The following RIPOR2 variants were observed in gnomAD, a reference collection of about 807,000 sequenced individuals.
RIPOR2 encodes rho family-interacting cell polarization regulator 2.
A neutral mutation model predicts 114.5 loss-of-function variants in RIPOR2; 39 were observed. The ratio of observed to expected loss-of-function variants is 0.34; its 90% CI spans 0.26 to 0.44. The LOEUF (loss-of-function observed/expected upper bound fraction) is 0.44. RIPOR2 is among the 20% of genes least tolerant of loss of function. RIPOR2 has a pLI of 1.00. For missense variants in RIPOR2, 1,007 were observed against 1,255.1 expected, an observed-to-expected ratio of 0.80 and a Z score of 2.99; for synonymous variants, 445 against 484.4, an observed-to-expected ratio of 0.92 and a Z score of 1.07.
intron 19 of RIPOR2, among the ~76,000 whole-genome samples, chr6:24,821,486 G>C (rs1759699824): frequency 1.3e-5 from 2 of 152,180 alleles, no homozygotes; most frequent in Non-Finnish European, 2.9e-5. Flanking sequence ...GCCCAGCTCT[G>C]TGGCTTAACA....
intron 1 of RIPOR2, among the ~76,000 whole-genome samples, chr6:24,927,986 A>G (rs1198536117): frequency 1.3e-5 from 2 of 152,228 alleles, no homozygotes; most frequent in African/African-American, 4.8e-5. Context: ...GGCCTTCTCT[A>G]GAAGCTGTTT....
intron 20 of RIPOR2, among the ~76,000 whole-genome samples, chr6:24,811,378 T>G (rs965624607): frequency 2.0e-5 from 3 of 150,364 alleles, no homozygotes; most frequent in African/African-American, 7.3e-5. Flanking sequence ...GGATTACAGG[T>G]GTGTGCCACC....
intron 1 of RIPOR2, among the ~76,000 whole-genome samples, chr6:24,983,780 A>AAAAAAACC (rs1425859869): frequency 6.6e-6 from 1 of 150,696 alleles, no homozygotes; most frequent in Non-Finnish European, 1.5e-5. Context: ...AAAAAAAAAA[A>AAAAAAACC]AGCCTTGAGT....
At chr6:24,902,136 C>T (rs543694574) in intron 1 of RIPOR2, among the ~76,000 whole-genome samples, 31 of 152,156 alleles carry the variant, frequency 2.0e-4, no homozygotes, top group African/African-American at 5.8e-4. Flanking sequence ...AGTAAGGGAT[C>T]GCCAGTTGTG....
At chr6:24,900,591 C>T (rs1186464687) in intron 1 of RIPOR2, among the ~76,000 whole-genome samples, 1 of 152,170 alleles carries the variant, frequency 6.6e-6, no homozygotes, top group East Asian at 1.9e-4. Flanking sequence ...AACCCCATCT[C>T]TACAAAAAAT....
At chr6:24,834,860 A>ATTCCTGCTTTGTCAGGGT (rs1760989719) in intron 15 of RIPOR2, among the ~76,000 whole-genome samples, 2 of 151,822 alleles carry the variant, frequency 1.3e-5, no homozygotes, top group Non-Finnish European at 2.9e-5. Flanking sequence ...CTGGGCTCAA[A>ATTCCTGCTTTGTCAGGGT]CAATCTTCCT....
At chr6:25,023,909 G>T (rs970039542) in intron 1 of RIPOR2, 2 of 723,110 alleles carry the variant, frequency 2.8e-6, no homozygotes, top group African/African-American at 3.4e-5. Flanking sequence ...GGGTTCTCCA[G>T]GATTCCAGCC....
chr6:24,978,703 T>C (rs1391295520), intron 1 of RIPOR2, among the ~76,000 whole-genome samples: 1 of 152,220 alleles, frequency 6.6e-6, no homozygotes, highest in African/African-American at 2.4e-5. Context: ...TTCTACTTAG[T>C]TGTGAGGCCT....
chr6:24,914,023 T>C (rs1052090940), intron 1 of RIPOR2, among the ~76,000 whole-genome samples: 3 of 152,110 alleles, frequency 2.0e-5, no homozygotes, highest in Non-Finnish European at 4.4e-5. Flanking sequence ...CCCCCTCACA[T>C]ATAAATTTTA....
intron 21 of RIPOR2, among the ~76,000 whole-genome samples, chr6:24,808,087 T>G (rs1454248959): frequency 6.6e-6 from 1 of 152,218 alleles, no homozygotes; most frequent in African/African-American, 2.4e-5. Flanking sequence ...GTAGATTGTT[T>G]AAGCTTCCCT....
In RIPOR2 at chr6:24,843,348, C is replaced by T; in HGVS notation, c.1371G>A (p.Met457Ile). 6.2e-7 allele frequency: 1 copy of T among 1,613,938 alleles called. No homozygotes were observed. The highest frequency in any genetic ancestry group is 1.1e-5 in the South Asian group (1 of 91,086). ...TGGAAGATGCTGAGCTGGTGTCATC[C>T]ATACCCTCATTCTGGGAGGCCAAGC... ...LSSLASQNEGMDDTSSASSRN... is the reference protein window; with the variant it reads ...LSSLASQNEGIDDTSSASSRN... The change falls in exon 13 of 22, where the codon ATG (methionine) becomes ATA (isoleucine). Residue 457 changes from methionine to isoleucine, a missense_variant. Coordinates refer to ENST00000643898, the MANE Select transcript of RIPOR2 (RefSeq NM_001286445.3).
chr6:25,008,761 G>T (rs915855831), intron 1 of RIPOR2, among the ~76,000 whole-genome samples: 1 of 152,218 alleles, frequency 6.6e-6, no homozygotes, highest in Non-Finnish European at 1.5e-5. Context: ...GGTAGAAATT[G>T]GTCAGGATGC....
chr6:24,818,633 A>G lies in RIPOR2; in HGVS notation c.2869-8T>C, dbSNP rs1266093191. 7 of 1,535,788 alleles carry G rather than the reference A, an allele frequency of 4.6e-6. No individual in the cohort carries two copies. Among genetic ancestry groups the G allele is most frequent in the African/African-American group, 1.4e-5 (1 of 72,686 alleles). ...ACAGTAATAGAGCAAGGCCTGAAAG[A>G]GAAGGAGGGACCTCATGAAGGCATT... On this transcript the variant is annotated splice_region_variant and splice_polypyrimidine_tract_variant and intron_variant, in intron 19 of 21. Transcript: ENST00000643898.
rs1762660202 is a variant in RIPOR2, at chr6:24,849,677, G to A, written c.1034+125C>T. 4.7e-6 allele frequency: 4 copies of A among 845,164 alleles called. No homozygotes were observed. The Admixed American group carries it at 8.9e-5, about 19-fold the overall frequency. The allele number at this position is 845,164 out of a possible 1,614,324, so 52.4% of individuals were successfully genotyped here. A position where few individuals can be genotyped will look rare whatever the true frequency, so the allele number is the denominator to read the frequency against. ...ATTCTGACACAGTAGTCCTGGGGTG[G>A]GGCCCGAGATTCTGCTTTTCATAAC... is the stretch of plus-strand genomic sequence containing the variant. On this transcript the variant is annotated intron_variant, in intron 11 of 21. Coordinates refer to ENST00000643898, the MANE Select transcript of RIPOR2 (RefSeq NM_001286445.3).
chr6:24,941,398 G>A (rs930704154), intron 1 of RIPOR2, among the ~76,000 whole-genome samples: 2 of 151,932 alleles, frequency 1.3e-5, no homozygotes, highest in Non-Finnish European at 2.9e-5. Flanking sequence ...GCATATAAAG[G>A]CACTGGTTCT....
intron 1 of RIPOR2, among the ~76,000 whole-genome samples, chr6:24,878,823 A>G (rs1766069373): frequency 6.6e-6 from 1 of 152,198 alleles, no homozygotes; most frequent in South Asian, 2.1e-4. Context: ...CAAATTTAAG[A>G]CTTCTGTTAA....
intron 1 of RIPOR2, among the ~76,000 whole-genome samples, chr6:25,027,458 G>A (rs1223061244): frequency 6.6e-6 from 1 of 152,208 alleles, no homozygotes; most frequent in Non-Finnish European, 1.5e-5. Context: ...TAGACATGCT[G>A]TGCAGCGGTT....
chr6:24,875,946 T>C (rs1330321456), intron 1 of RIPOR2, 129 bp from the exon 2 acceptor site: 22 of 827,432 alleles, frequency 2.7e-5, no homozygotes, highest in Non-Finnish European at 4.2e-5. Flanking sequence ...AGGTTCTTTA[T>C]TATGGAGTGT....
At chr6:24,823,151 A>G (rs1759851495) in intron 19 of RIPOR2, among the ~76,000 whole-genome samples, 1 of 152,222 alleles carries the variant, frequency 6.6e-6, no homozygotes, top group African/African-American at 2.4e-5. Flanking sequence ...TGATCCTTGA[A>G]GCAAGGTTCC....
Sources: gnomAD v4.1 joint callset for allele counts (sites outside exome capture counted in the v4.1 genomes callset) on GRCh38, gnomAD v4.1.1 for gene constraint, MANE v1.5 for transcripts, NCBI Gene and HGNC (gene_info 2026-07-23, HGNC 2026-07-21) for gene names.